TANC1: variants seen among roughly 807,000 people sequenced by gnomAD.
The protein encoded by TANC1 is tetratricopeptide repeat, ankyrin repeat and coiled-coil containing 1, also known as protein TANC1.
Under a neutral mutation model 149.7 loss-of-function variants are expected in TANC1, and 77 were observed. The ratio of observed to expected loss-of-function variants is 0.51; its 90% CI spans 0.43 to 0.62. TANC1 has a LOEUF of 0.62. Ranked by LOEUF, TANC1 falls within the 20% of genes least tolerant of loss-of-function variation. The pLI is 0.00. For missense variants in TANC1, 1,985 were observed against 2,321.8 expected (o/e 0.85, Z 2.98); for synonymous variants, 854 against 925.0 (o/e 0.92, Z 1.39).
At chr2:159,058,272 T>C (rs1266724493) in intron 2 of TANC1, among the ~76,000 whole-genome samples, 3 of 152,248 alleles carry the variant, frequency 2.0e-5, no homozygotes, top group Non-Finnish European at 4.4e-5. Context: ...TGAAAGCCTG[T>C]TATTTGAACA....
Position 159,146,156 on chromosome 2 carries a change from C to T in TANC1, c.365-2986C>T, listed in dbSNP as rs529951553. ...ATGTGAGTTCCTAAGCAACTCATCA[C>T]TCCCAAGATGGCTCAGTGACACTTC... On this transcript the variant is annotated intron_variant, in intron 5 of 26. Coordinates refer to ENST00000263635, the MANE Select transcript of TANC1 (RefSeq NM_033394.3). 2.0e-5 allele frequency among the ~76,000 whole-genome samples: 3 copies of T among 152,314 alleles called. No homozygotes were observed. In the East Asian group the frequency reaches 5.8e-4, roughly 29 times the overall value.
chr2:159,226,902 T>C (rs2060053718), intron 24 of TANC1: 1 of 152,190 alleles, frequency 6.6e-6, no homozygotes, highest in African/African-American at 2.4e-5. Context: ...ATCCAAGCTA[T>C]AGTTTGCCAA....
intron 4 of TANC1, among the ~76,000 whole-genome samples, chr2:159,116,612 C>T (rs1228618991): frequency 1.3e-5 from 2 of 152,152 alleles, no homozygotes; most frequent in Admixed American, 6.5e-5. Flanking sequence ...ACTCTGCCAT[C>T]GTAGTACAGA....
chr2:158,979,831 T>C (rs1310454826), intron 1 of TANC1, among the ~76,000 whole-genome samples: 1 of 152,220 alleles, frequency 6.6e-6, no homozygotes, highest in Non-Finnish European at 1.5e-5. Context: ...TCAAAGAACT[T>C]TTGCAGTGGG....
At position 159,230,289 on chromosome 2, in the gene TANC1, A is replaced by G. The variant is rs1188321880; in HGVS notation, c.4863A>G (p.Pro1621=). The stretch of plus-strand genomic sequence containing the variant: ...AGAATGGCCCTGCACACCCTTTACC[A>G]AGTAAGACGAAAACCACAGAGAGGC... ...CGENGPAHPL[P]SKTKTTERLL... is the part of the protein sequence containing the mutation. The change falls in exon 27 of 27, where the codon CCA becomes CCG. Residue 1621 remains proline, a synonymous_variant. Coordinates refer to ENST00000263635, the MANE Select transcript of TANC1 (RefSeq NM_033394.3). The surrounding 1 kb of genome is among the most constrained non-coding windows in gnomAD (Gnocchi z 4.4). 6.2e-7 allele frequency: 1 copy of G among 1,614,010 alleles called. No individual in the cohort carries two copies. The highest frequency in any genetic ancestry group is 2.2e-5 in the East Asian group (1 of 44,856).
At chr2:158,985,027 C>A (rs2034844780) in intron 1 of TANC1, among the ~76,000 whole-genome samples, 1 of 152,124 alleles carries the variant, frequency 6.6e-6, no homozygotes, top group Admixed American at 6.5e-5. Flanking sequence ...TGGAGAAAAG[C>A]TTTGGCAGCG....
At chr2:159,073,399 A>G (rs768873262) in intron 3 of TANC1, among the ~76,000 whole-genome samples, 10 of 152,182 alleles carry the variant, frequency 6.6e-5, no homozygotes, top group Admixed American at 1.3e-4. Context: ...ACCCCAGAGG[A>G]AAGGGAAGTC....
chr2:159,224,701 C>G, intron 23 of TANC1: 1 of 257,252 alleles, frequency 3.9e-6, no homozygotes, highest in South Asian at 7.2e-5. Context: ...CTCTGAGCAG[C>G]AGCGGAGGCT....
intron 17 of TANC1, among the ~76,000 whole-genome samples, chr2:159,195,961 C>G (rs796257777): frequency 6.6e-6 from 1 of 152,188 alleles, no homozygotes; most frequent in South Asian, 2.1e-4. Flanking sequence ...GAAGGGCTGC[C>G]GCTGCTTTGG....
At chr2:159,152,779 C>G (rs182879816) in intron 7 of TANC1, among the ~76,000 whole-genome samples, 2 of 152,172 alleles carry the variant, frequency 1.3e-5, no homozygotes, top group African/African-American at 2.4e-5. Flanking sequence ...CCGCTGTGCC[C>G]GGCCCAAACT....
At chr2:159,003,040 A>G (rs983117835) in intron 2 of TANC1, among the ~76,000 whole-genome samples, 30 of 152,224 alleles carry the variant, frequency 2.0e-4, no homozygotes, top group African/African-American at 7.2e-4. Context: ...AGGAGGATCC[A>G]GAGTGCTGCG....
intron 24 of TANC1, chr2:159,226,904 G>T (rs1424711736): frequency 3.3e-5 from 5 of 152,146 alleles, no homozygotes; most frequent in African/African-American, 1.2e-4. Flanking sequence ...CCAAGCTATA[G>T]TTTGCCAACC....
intron 8 of TANC1, among the ~76,000 whole-genome samples, chr2:159,165,400 C>G (rs1166344569): frequency 6.6e-6 from 1 of 152,210 alleles, no homozygotes; most frequent in East Asian, 1.9e-4. Flanking sequence ...AATGGGTTTG[C>G]TCATTTCTTG....
chr2:158,968,787 C>A lies in TANC1; in HGVS notation c.-126+5C>A, dbSNP rs2149135034. 6.6e-6 allele frequency: 1 copy of A among 152,516 alleles called. No individual in the cohort carries two copies. The highest frequency in any genetic ancestry group is 1.9e-4 in the East Asian group (1 of 5,176). 9.4% of individuals were successfully genotyped at this position (152,516 alleles called of 1,614,324 possible). ...AGCTGGAAACTTTCCCGGCAGGTAA[C>A]TCCCGCAGCCCGGACTCCGCCGCGG... On this transcript the variant is annotated splice_donor_5th_base_variant and intron_variant, in intron 1 of 26. Coordinates refer to ENST00000263635, the MANE Select transcript of TANC1 (RefSeq NM_033394.3).
At chr2:159,201,836 G>C (rs1417150751) in intron 19 of TANC1, among the ~76,000 whole-genome samples, 1 of 152,242 alleles carries the variant, frequency 6.6e-6, no homozygotes. Flanking sequence ...AATGCTAGCT[G>C]ATGAGGTGAC....
intron 5 of TANC1, among the ~76,000 whole-genome samples, chr2:159,139,750 C>T (rs1019491102): frequency 6.6e-6 from 1 of 151,608 alleles, no homozygotes; most frequent in African/African-American, 2.4e-5. Flanking sequence ...AACTTTTTTC[C>T]TGGCAGTCTG....
chr2:159,150,287 T>A, intron 6 of TANC1, 83 bp from the exon 7 acceptor site: 1 of 1,163,442 alleles, frequency 8.6e-7, no homozygotes, highest in Non-Finnish European at 1.2e-6. Flanking sequence ...TTCTTAGTTT[T>A]ATTGTTTTAG....
chr2:159,031,231 AATCTCT>A (rs1446589675), intron 2 of TANC1, among the ~76,000 whole-genome samples: 3 of 152,194 alleles, frequency 2.0e-5, no homozygotes, highest in Admixed American at 6.5e-5. Context: ...GAGCTATTTA[AATCTCT>A]ATCTTAGAAA....
intron 7 of TANC1, among the ~76,000 whole-genome samples, chr2:159,162,875 C>A (rs923801554): frequency 6.6e-6 from 1 of 152,082 alleles, no homozygotes; most frequent in East Asian, 1.9e-4. Context: ...CACTCCCCCA[C>A]CCCCAGCAAA....
Sources: allele counts gnomAD v4.1 joint callset (sites outside exome capture counted in the v4.1 genomes callset), GRCh38; gene constraint gnomAD v4.1.1; non-coding constraint Gnocchi (gnomAD v3.1); transcripts MANE v1.5; gene names NCBI Gene and HGNC (gene_info 2026-07-23, HGNC 2026-07-21).